The following MYO16 variants were observed in gnomAD, a reference collection of about 807,000 sequenced individuals.
MYO16 encodes the protein unconventional myosin-XVI.
Under a neutral mutation model 205.3 loss-of-function variants are expected in MYO16, and 94 were observed. The ratio of observed to expected loss-of-function variants is 0.46; its 90% CI spans 0.39 to 0.54. MYO16 has a LOEUF of 0.54. Among genes scored for constraint, MYO16 ranks in the 20% least tolerant of loss-of-function variants. MYO16 has a pLI of 0.00. For synonymous variants in MYO16, 988 were observed against 954.0 expected, an observed-to-expected ratio of 1.04 and a Z score of -0.66; for missense variants, 2,315 against 2,387.5, an observed-to-expected ratio of 0.97 and a Z score of 0.63.
rs1373229219 is a variant in MYO16 at position 108,915,795 on chromosome 13, T to C, written c.1925+5645T>C. Among the ~76,000 whole-genome samples the C allele has an allele frequency of 2.0e-5, 3 of 152,186 alleles. No individual in the cohort carries two copies. The East Asian group carries it at 5.8e-4, about 29-fold the overall frequency. On this transcript the variant is annotated intron_variant, in intron 16 of 34. Coordinates refer to ENST00000457511, the MANE Select transcript of MYO16 (RefSeq NM_001198950.3). ...AACATTTGTGAGTAAAGGTCAAATT[T>C]TGAATGCTAAGTTGAAAACAAGCAG...
At chr13:108,576,194 A>T in the MYO16 span, among the ~76,000 whole-genome samples, 1 of 152,244 alleles carries the variant, frequency 6.6e-6, no homozygotes, top group Admixed American at 6.5e-5. Flanking sequence ...TGGCAGATGT[A>T]GCACTAGAGA....
At chr13:108,978,595 T>C (rs1884352863) in intron 20 of MYO16, among the ~76,000 whole-genome samples, 1 of 152,094 alleles carries the variant, frequency 6.6e-6, no homozygotes, top group Non-Finnish European at 1.5e-5. Flanking sequence ...CATGATATAC[T>C]AGATTCTGTT....
At chr13:108,819,304 C>T (rs147024594) in intron 7 of MYO16, among the ~76,000 whole-genome samples, 6 of 152,228 alleles carry the variant, frequency 3.9e-5, no homozygotes, top group Admixed American at 3.3e-4. Context: ...TGGTTAAACC[C>T]ATCAAGTCTG....
chr13:108,775,286 C>T lies in MYO16; in HGVS notation c.508-10349C>T, dbSNP rs401012. 8.4e-3 allele frequency among the ~76,000 whole-genome samples: 1,275 copies of T among 152,170 alleles called. 11 individuals are homozygous for T. The highest frequency in any genetic ancestry group is 0.029 in the African/African-American group (1,194 of 41,510). On this transcript the variant is annotated intron_variant, in intron 4 of 34. Coordinates refer to ENST00000457511, the MANE Select transcript of MYO16 (RefSeq NM_001198950.3). Reference sequence around the variant, plus strand: ...CAGCTGAAAAATTATATACTGGAGTCTTTCTTCAGAGGAATGAAATTTGAA... The same window carrying T: ...CAGCTGAAAAATTATATACTGGAGTTTTTCTTCAGAGGAATGAAATTTGAA...
the MYO16 span, among the ~76,000 whole-genome samples, chr13:108,530,997 G>A: frequency 6.6e-6 from 1 of 151,666 alleles, no homozygotes; most frequent in Non-Finnish European, 1.5e-5. Flanking sequence ...TTTCTTTCAT[G>A]ACTTTTTTTC....
chr13:108,545,422 G>A, the MYO16 span, among the ~76,000 whole-genome samples: 1 of 152,124 alleles, frequency 6.6e-6, no homozygotes, highest in Non-Finnish European at 1.5e-5. Context: ...GATTTAGGTT[G>A]ATTCCATGTC....
At chr13:109,188,063 T>C (rs759056662) in intron 34 of MYO16, among the ~76,000 whole-genome samples, 2 of 152,364 alleles carry the variant, frequency 1.3e-5, no homozygotes, top group Non-Finnish European at 2.9e-5. Flanking sequence ...TTGCATCTTT[T>C]TTGGTGAAGA....
chr13:108,896,158 A>G (rs978748469), intron 14 of MYO16, among the ~76,000 whole-genome samples: 1 of 152,178 alleles, frequency 6.6e-6, no homozygotes, highest in African/African-American at 2.4e-5. Context: ...TAATCAAAAC[A>G]TTACTTATCA....
chr13:109,197,820 A>G lies in MYO16; in HGVS notation c.5416-8789A>G, dbSNP rs190555732. Reference sequence around the variant, plus strand: ...GCAAATTGACCACTTGAGTAGAATAAAAGTCTACAAAAGCAAAATAAAGGT... The same window carrying G: ...GCAAATTGACCACTTGAGTAGAATAGAAGTCTACAAAAGCAAAATAAAGGT... On this transcript the variant is annotated intron_variant, in intron 34 of 34. Coordinates refer to ENST00000457511, the MANE Select transcript of MYO16 (RefSeq NM_001198950.3). Among the ~76,000 whole-genome samples, 28 of 152,334 alleles carry G rather than the reference A, an allele frequency of 1.8e-4. No homozygotes were observed. The East Asian group carries it at 4.6e-3, about 25-fold the overall frequency.
At position 109,073,215 on chromosome 13, in the gene MYO16, C is replaced by T. The variant is rs183331334; in HGVS notation, c.3335+17620C>T. On this transcript the variant is annotated intron_variant, in intron 27 of 34. Transcript: ENST00000457511. ...CTCCTGGGTTCAAGCGATTCTCCTG[C>T]CTCAGCATCCCGAGTAGCTAGGATT... 1.5e-4 allele frequency among the ~76,000 whole-genome samples: 23 copies of T among 151,894 alleles called. No individual in the cohort carries two copies. The East Asian group carries it at 4.1e-3, about 27-fold the overall frequency.
chr13:109,206,616 A>G lies in MYO16; in HGVS notation c.5423A>G (p.His1808Arg). ...HRDSHTTQVIHQLRLSENESV... is the reference protein window; with the variant it reads ...HRDSHTTQVIRQLRLSENESV... ...CCCCTCTTCCTCCCACAGGTAATCCATCAGCTGAGGCTCTCAGAGAATGAA... is the reference window on the plus strand; with the variant it reads ...CCCCTCTTCCTCCCACAGGTAATCCGTCAGCTGAGGCTCTCAGAGAATGAA... Residue 1808 changes from histidine to arginine, a missense_variant, in exon 35 of 35, where the codon CAT becomes CGT. His to Arg is a conservative substitution (Grantham distance 29, BLOSUM62 0). Coordinates refer to ENST00000457511, the MANE Select transcript of MYO16 (RefSeq NM_001198950.3). 1 of 1,611,442 alleles carries G rather than the reference A, an allele frequency of 6.2e-7. No individual in the cohort carries two copies. The highest frequency in any genetic ancestry group is 8.5e-7 in the Non-Finnish European group (1 of 1,177,792).
intron 27 of MYO16, among the ~76,000 whole-genome samples, chr13:109,093,333 A>G (rs547583155): frequency 2.0e-4 from 31 of 152,324 alleles, no homozygotes; most frequent in African/African-American, 7.0e-4. Context: ...GCACCATCAC[A>G]GAAGCTGCAT....
intron 34 of MYO16, among the ~76,000 whole-genome samples, chr13:109,181,816 A>ATTTTTTTT (rs61381548): frequency 4.0e-5 from 5 of 126,258 alleles, no homozygotes; most frequent in African/African-American, 1.0e-4. Context: ...TTATTTATTT[A>ATTTTTTTT]TTTTATTTTA....
intron 23 of MYO16, among the ~76,000 whole-genome samples, chr13:109,022,329 A>ATTATACAAATATG (rs1886071918): frequency 8.1e-6 from 1 of 124,200 alleles, no homozygotes; most frequent in Non-Finnish European, 1.6e-5. Context: ...ATACAAATAT[A>ATTATACAAATATG]TATTTATATA....
intron 1 of MYO16, among the ~76,000 whole-genome samples, chr13:108,649,072 T>A (rs560181646): frequency 4.4e-5 from 4 of 90,082 alleles, no homozygotes; most frequent in Non-Finnish European, 9.5e-5. Flanking sequence ...CAGGGCCTGT[T>A]GTGGGATGGG....
chr13:108,875,323 T>C (rs1289094942), intron 12 of MYO16, among the ~76,000 whole-genome samples: 2 of 152,134 alleles, frequency 1.3e-5, no homozygotes, highest in African/African-American at 2.4e-5. Context: ...ATTTTAACTA[T>C]GAGAAGGGTA....
intron 14 of MYO16, among the ~76,000 whole-genome samples, chr13:108,893,171 CA>C (rs1880249550): frequency 6.6e-6 from 1 of 152,132 alleles, no homozygotes; most frequent in South Asian, 2.1e-4. Context: ...TCATGAAAAT[CA>C]TCAGTCATTA....
chr13:108,627,303 A>G (rs1879780530), upstream of MYO16, among the ~76,000 whole-genome samples: 1 of 152,186 alleles, frequency 6.6e-6, no homozygotes, highest in Non-Finnish European at 1.5e-5. Flanking sequence ...AATTATATGT[A>G]GATACAGTTT....
At chr13:109,079,172 G>A (rs1888206108) in intron 27 of MYO16, among the ~76,000 whole-genome samples, 1 of 152,092 alleles carries the variant, frequency 6.6e-6, no homozygotes. Context: ...AGTCAGCTGG[G>A]GCAGAGTTAG....
Sources: gnomAD v4.1 joint callset for allele counts (sites outside exome capture counted in the v4.1 genomes callset) on GRCh38, gnomAD v4.1.1 for gene constraint, MANE v1.5 for transcripts, NCBI Gene and HGNC (gene_info 2026-07-23, HGNC 2026-07-21) for gene names.